The following MCOLN2 variants were observed in gnomAD, a reference collection of about 807,000 sequenced individuals.
MCOLN2 encodes the protein mucolipin TRP cation channel 2.
Under a neutral mutation model 67.5 loss-of-function variants are expected in MCOLN2, and 57 were observed. That is an observed-to-expected ratio of 0.84 (90% CI 0.68 to 1.05). MCOLN2 has a LOEUF of 1.05. MCOLN2 is among the 50% of genes least tolerant of loss of function. The pLI is 0.00. For synonymous variants in MCOLN2, 246 were observed against 233.3 expected (o/e 1.05, Z -0.50); for missense variants, 620 against 678.8 (o/e 0.91, Z 0.96).
chr1:84,964,531 G>T (rs909562849), intron 2 of MCOLN2, among the ~76,000 whole-genome samples: 1 of 149,662 alleles, frequency 6.7e-6, no homozygotes, highest in Non-Finnish European at 1.5e-5. Flanking sequence ...AGGAGTGGGG[G>T]GGGGTGGGTA....
intron 3 of MCOLN2, among the ~76,000 whole-genome samples, chr1:84,958,327 T>C (rs919367751): frequency 2.6e-5 from 4 of 152,234 alleles, no homozygotes; most frequent in Non-Finnish European, 4.4e-5. Flanking sequence ...ATTAAAAAGA[T>C]AAATATTTTT....
intron 13 of MCOLN2, among the ~76,000 whole-genome samples, chr1:84,928,259 C>T (rs1661250161): frequency 6.6e-6 from 1 of 152,182 alleles, no homozygotes; most frequent in South Asian, 2.1e-4. Context: ...AATTCTTTCA[C>T]TCTTCATGAG....
intron 1 of MCOLN2, among the ~76,000 whole-genome samples, chr1:84,995,015 G>T (rs1651079262): frequency 6.6e-6 from 1 of 152,142 alleles, no homozygotes; most frequent in South Asian, 2.1e-4. Context: ...AATAGAGAGG[G>T]TTGGGGAGAG....
At position 84,979,690 on chromosome 1, in the gene MCOLN2, C is replaced by T. The variant is rs572352664; in HGVS notation, c.78-13982G>A. Among the ~76,000 whole-genome samples the T allele has an allele frequency of 1.5e-3, 231 of 152,202 alleles. 4 individuals are homozygous for T. Among genetic ancestry groups the T allele is most frequent in the Non-Finnish European group, 1.3e-3 (91 of 67,996 alleles). On this transcript the variant is annotated intron_variant, in intron 1 of 13. Coordinates refer to ENST00000370608, the MANE Select transcript of MCOLN2 (RefSeq NM_153259.4). ...GAATATACCTCAACATAATAAGAAC[C>T]ATATACAGCATACCCACAGCTAGTA...
chr1:84,957,304 C>T (rs1175161786), intron 3 of MCOLN2, among the ~76,000 whole-genome samples: 1 of 152,126 alleles, frequency 6.6e-6, no homozygotes, highest in African/African-American at 2.4e-5. Context: ...CTAACATGAA[C>T]CAACATTAGC....
intron 13 of MCOLN2, among the ~76,000 whole-genome samples, chr1:84,928,250 A>T (rs1206851083): frequency 6.6e-6 from 1 of 152,014 alleles, no homozygotes; most frequent in African/African-American, 2.4e-5. Context: ...GTTCCCTCAA[A>T]TTCTTTCACT....
chr1:84,927,297 C>T (rs1023183374), intron 13 of MCOLN2, among the ~76,000 whole-genome samples: 3 of 151,834 alleles, frequency 2.0e-5, no homozygotes, highest in East Asian at 3.8e-4. Flanking sequence ...ATCTCTGTGT[C>T]CCTTCGCTAA....
intron 2 of MCOLN2, among the ~76,000 whole-genome samples, chr1:84,964,951 T>C (rs1649297194): frequency 6.6e-6 from 1 of 152,174 alleles, no homozygotes; most frequent in African/African-American, 2.4e-5. Context: ...AACAGGTCCG[T>C]GGCCCAGGGG....
chr1:84,959,044 A>G (rs1341012037), intron 2 of MCOLN2, among the ~76,000 whole-genome samples: 1 of 152,232 alleles, frequency 6.6e-6, no homozygotes, highest in Non-Finnish European at 1.5e-5. Flanking sequence ...TTCAAAATCA[A>G]TTACTTAGTA....
intron 1 of MCOLN2, among the ~76,000 whole-genome samples, chr1:84,987,184 C>G (rs12029690): frequency 0.17 from 23,052 of 134,578 alleles, 1,910 homozygotes; most frequent in East Asian, 0.27. Flanking sequence ...GCATATCTAT[C>G]TATCTATCTA....
intron 1 of MCOLN2, among the ~76,000 whole-genome samples, chr1:84,989,655 T>A (rs941776332): frequency 1.3e-5 from 2 of 151,988 alleles, no homozygotes; most frequent in African/African-American, 2.4e-5. Flanking sequence ...TACAAAAAAA[T>A]TTAGAAGATG....
intron 1 of MCOLN2, among the ~76,000 whole-genome samples, chr1:84,987,657 CATATGTAT>C (rs1650680345): frequency 2.6e-5 from 3 of 114,778 alleles, no homozygotes; most frequent in South Asian, 2.8e-4. Context: ...TATATACATA[CATATGTAT>C]ATATGTATAT....
In MCOLN2 at chr1:84,987,528, ACATC is replaced by A. The variant is rs1380904629; in HGVS notation, c.77+9264_77+9267del. On this transcript the variant is annotated intron_variant, in intron 1 of 13. Coordinates refer to ENST00000370608, the MANE Select transcript of MCOLN2 (RefSeq NM_153259.4). The stretch of plus-strand genomic sequence containing the variant: ...GATGTATACATATGTATATATGTAT[ACATC>A]TATGTATACATAGATGTATACATCT... Among the ~76,000 whole-genome samples, 25 of 56,564 alleles carry A rather than the reference ACATC, an allele frequency of 4.4e-4. 5 individuals are homozygous for A. The highest frequency in any genetic ancestry group is 5.5e-4 in the Non-Finnish European group (15 of 27,288). 37.1% of individuals were successfully genotyped at this position (56,564 alleles called of 152,430 possible). A position where few individuals can be genotyped will look rare whatever the true frequency, so the allele number is the denominator to read the frequency against.
Position 84,929,082 on chromosome 1 carries a change from C to G in MCOLN2, c.1664+476G>C, listed in dbSNP as rs553308453. Among the ~76,000 whole-genome samples, 4 of 152,326 alleles carry G rather than the reference C, an allele frequency of 2.6e-5. No homozygotes were observed. In the East Asian group the frequency reaches 7.7e-4, roughly 29 times the overall value. On this transcript the variant is annotated intron_variant, in intron 13 of 13. Transcript: ENST00000370608. Reference sequence around the variant, plus strand: ...GTCCTGACGAACAACAGGCAAAGCACAGCTAGGCAAGGAAGAGCTACTGGT... The same window carrying G: ...GTCCTGACGAACAACAGGCAAAGCAGAGCTAGGCAAGGAAGAGCTACTGGT...
intron 1 of MCOLN2, among the ~76,000 whole-genome samples, chr1:84,989,609 TA>T (rs1650785672): frequency 6.6e-6 from 1 of 152,132 alleles, no homozygotes; most frequent in Non-Finnish European, 1.5e-5. Context: ...GTATAATATA[TA>T]GGATTTTTAA....
chr1:84,967,084 T>C lies in MCOLN2; in HGVS notation c.78-1376A>G, dbSNP rs185406973. 2.6e-4 allele frequency among the ~76,000 whole-genome samples: 39 copies of C among 152,328 alleles called. No homozygotes were observed. The East Asian group carries it at 7.1e-3, about 28-fold the overall frequency. On this transcript the variant is annotated intron_variant, in intron 1 of 13. Transcript: ENST00000370608. The stretch of plus-strand genomic sequence containing the variant: ...TGCTCAACTTTTACTGTTGGGTACA[T>C]AATCAACAAAGTTTGGAGATCAGTG...
chr1:84,978,869 T>G (rs974822297), intron 1 of MCOLN2, among the ~76,000 whole-genome samples: 11 of 152,106 alleles, frequency 7.2e-5, no homozygotes, highest in African/African-American at 2.7e-4. Context: ...TTAACTCACA[T>G]GATCACAAGG....
intron 2 of MCOLN2, among the ~76,000 whole-genome samples, chr1:84,964,994 C>T (rs1649301694): frequency 6.6e-6 from 1 of 152,122 alleles, no homozygotes; most frequent in Non-Finnish European, 1.5e-5. Context: ...GAAGCCTCCC[C>T]AATACTGGTT....
chr1:84,957,849 T>A (rs1036735814), intron 3 of MCOLN2, among the ~76,000 whole-genome samples: 1 of 152,202 alleles, frequency 6.6e-6, no homozygotes, highest in Admixed American at 6.5e-5. Flanking sequence ...CACTGATGCA[T>A]CCTCAATGAC....
Sources: gnomAD v4.1 joint callset for allele counts (sites outside exome capture counted in the v4.1 genomes callset) on GRCh38, gnomAD v4.1.1 for gene constraint, MANE v1.5 for transcripts, NCBI Gene and HGNC (gene_info 2026-07-23, HGNC 2026-07-21) for gene names.